THRB: variants seen among roughly 807,000 people sequenced by gnomAD.
THRB encodes nuclear receptor subfamily 1 group A member 2.
In THRB, 12 loss-of-function variants were observed where a neutral mutation model predicts 47.8. The observed-to-expected ratio is 0.25, with a 90% CI of 0.16 to 0.41. THRB has a LOEUF of 0.41. Among genes scored for constraint, THRB ranks in the 10% least tolerant of loss-of-function variants. The probability of loss-of-function intolerance (pLI) is 1.00; values close to 1 mark genes in which losing one functional copy is unlikely to be tolerated. For missense variants in THRB, 348 were observed against 589.2 expected (o/e 0.59, Z 4.24); for synonymous variants, 218 against 212.2 (o/e 1.03, Z -0.24).
At chr3:24,378,963 C>T (rs1462338548) in intron 1 of THRB, among the ~76,000 whole-genome samples, 1 of 152,084 alleles carries the variant, frequency 6.6e-6, no homozygotes, top group Admixed American at 6.6e-5. Flanking sequence ...TAAAAAAATG[C>T]CAGCACCATT....
intron 3 of THRB, among the ~76,000 whole-genome samples, chr3:24,289,386 A>T (rs1434497833): frequency 6.6e-6 from 1 of 152,220 alleles, no homozygotes; most frequent in Non-Finnish European, 1.5e-5. Context: ...GCCAACATTC[A>T]GTCATTTTAA....
At chr3:24,368,292 G>A (rs1255120572) in intron 1 of THRB, among the ~76,000 whole-genome samples, 2 of 152,094 alleles carry the variant, frequency 1.3e-5, no homozygotes, top group Non-Finnish European at 2.9e-5. Context: ...TGTGCCCCCT[G>A]ACTTTACTGC....
At chr3:24,393,816 T>C (rs542467062) in intron 1 of THRB, among the ~76,000 whole-genome samples, 1 of 152,270 alleles carries the variant, frequency 6.6e-6, no homozygotes, top group Middle Eastern at 3.4e-3. Context: ...ATGTAGGAGA[T>C]GGATCTGATG....
At chr3:24,278,509 T>A (rs1157361025) in intron 3 of THRB, among the ~76,000 whole-genome samples, 1 of 152,224 alleles carries the variant, frequency 6.6e-6, no homozygotes, top group Non-Finnish European at 1.5e-5. Flanking sequence ...TGCTTCTGAA[T>A]AGAAAGCATA....
intron 2 of THRB, among the ~76,000 whole-genome samples, chr3:24,310,967 T>C (rs926220610): frequency 2.6e-5 from 4 of 152,174 alleles, no homozygotes; most frequent in African/African-American, 9.7e-5. Flanking sequence ...AGCCTTCAAC[T>C]AAAGTGGGAT....
At chr3:24,239,102 T>C (rs1297450091) in intron 3 of THRB, among the ~76,000 whole-genome samples, 1 of 152,122 alleles carries the variant, frequency 6.6e-6, no homozygotes, top group Non-Finnish European at 1.5e-5. Flanking sequence ...CCACCATGCC[T>C]GGCTAAGTTT....
intron 3 of THRB, among the ~76,000 whole-genome samples, chr3:24,276,651 G>C (rs1450901249): frequency 6.6e-6 from 1 of 152,142 alleles, no homozygotes; most frequent in Non-Finnish European, 1.5e-5. Flanking sequence ...GCAAGGCAGG[G>C]GACTAGGTCC....
At chr3:24,378,996 T>A (rs1178391807) in intron 1 of THRB, among the ~76,000 whole-genome samples, 1 of 152,146 alleles carries the variant, frequency 6.6e-6, no homozygotes. Flanking sequence ...ATAATCATCA[T>A]CTCATTTAAC....
At chr3:24,254,814 CCTAT>C in intron 3 of THRB, among the ~76,000 whole-genome samples, 1 of 152,322 alleles carries the variant, frequency 6.6e-6, no homozygotes, top group African/African-American at 2.4e-5. Flanking sequence ...TTTTTATTTT[CCTAT>C]GACCAATGAC....
At chr3:24,322,936 A>G (rs1410312390) in intron 2 of THRB, among the ~76,000 whole-genome samples, 1 of 152,192 alleles carries the variant, frequency 6.6e-6, no homozygotes, top group African/African-American at 2.4e-5. Flanking sequence ...TAATAAATGT[A>G]TCAGTCCCAG....
At chr3:24,481,179 T>C (rs1161670426) in intron 1 of THRB, among the ~76,000 whole-genome samples, 3 of 151,612 alleles carry the variant, frequency 2.0e-5, no homozygotes, top group Non-Finnish European at 4.4e-5. Flanking sequence ...GTTGAGGAAT[T>C]GAGAAGATCG....
At chr3:24,128,514 A>T (rs2033285453) in intron 9 of THRB, among the ~76,000 whole-genome samples, 2 of 152,218 alleles carry the variant, frequency 1.3e-5, no homozygotes, top group Non-Finnish European at 2.9e-5. Flanking sequence ...TTAATAATAA[A>T]AAATACCTTT....
chr3:24,305,520 C>T (rs1002181714), intron 2 of THRB, among the ~76,000 whole-genome samples: 1 of 152,142 alleles, frequency 6.6e-6, no homozygotes, highest in Non-Finnish European at 1.5e-5. Flanking sequence ...TGGTAGAAAT[C>T]ATAAGTGGTA....
chr3:24,328,252 T>C (rs1439131600), intron 2 of THRB, among the ~76,000 whole-genome samples: 2 of 152,186 alleles, frequency 1.3e-5, no homozygotes, highest in African/African-American at 4.8e-5. Context: ...AAACACTTCT[T>C]ACGGAAATAA....
intron 4 of THRB, among the ~76,000 whole-genome samples, chr3:24,203,068 T>C (rs1423797234): frequency 6.6e-6 from 1 of 152,166 alleles, no homozygotes; most frequent in African/African-American, 2.4e-5. Context: ...CAAAAACCAC[T>C]TCAAGAAGCA....
chr3:24,266,511 T>C (rs1576412081), intron 3 of THRB, among the ~76,000 whole-genome samples: 1 of 152,086 alleles, frequency 6.6e-6, no homozygotes, highest in South Asian at 2.1e-4. Context: ...CAGGAGCTCT[T>C]GTGTACAGTC....
chr3:24,398,385 GA>G (rs530710669), intron 1 of THRB, among the ~76,000 whole-genome samples: 1 of 152,066 alleles, frequency 6.6e-6, no homozygotes, highest in South Asian at 2.1e-4. Flanking sequence ...AAATTTACAA[GA>G]AAAAAACAAC....
chr3:24,208,775 G>C (rs1472436535), intron 4 of THRB, among the ~76,000 whole-genome samples: 1 of 152,142 alleles, frequency 6.6e-6, no homozygotes, highest in African/African-American at 2.4e-5. Context: ...ATGCCATTCG[G>C]GACATAGGCA....
At chr3:24,331,055 TA>T (rs924751108) in intron 2 of THRB, among the ~76,000 whole-genome samples, 3 of 152,086 alleles carry the variant, frequency 2.0e-5, no homozygotes, top group Non-Finnish European at 4.4e-5. Flanking sequence ...TTTTTGGATA[TA>T]AGGAGTTCCG....
Sources: allele counts gnomAD v4.1 joint callset (sites outside exome capture counted in the v4.1 genomes callset), GRCh38; gene constraint gnomAD v4.1.1; transcripts MANE v1.5; gene names NCBI Gene and HGNC (gene_info 2026-07-23, HGNC 2026-07-21).